PALS2: variants seen among roughly 807,000 people sequenced by gnomAD.
PALS2 encodes the protein protein PALS2.
Under a neutral mutation model 61.6 loss-of-function variants are expected in PALS2, and 27 were observed. The observed-to-expected ratio is 0.44, with a 90% CI of 0.32 to 0.60. The LOEUF is 0.60. Ranked by LOEUF, PALS2 falls within the 20% of genes least tolerant of loss-of-function variation. PALS2 has a pLI of 0.05. For missense variants in PALS2, 554 were observed against 639.4 expected, an observed-to-expected ratio of 0.87 and a Z score of 1.44; for synonymous variants, 236 against 218.6, an observed-to-expected ratio of 1.08 and a Z score of -0.70.
intron 1 of PALS2, among the ~76,000 whole-genome samples, chr7:24,575,815 A>G (rs1014030378): frequency 2.0e-5 from 3 of 152,240 alleles, no homozygotes; most frequent in Non-Finnish European, 4.4e-5. Flanking sequence ...AGGTAAGAGG[A>G]CGCATTTATA....
intron 1 of PALS2, among the ~76,000 whole-genome samples, chr7:24,598,618 T>C (rs927646169): frequency 3.3e-5 from 5 of 152,252 alleles, no homozygotes; most frequent in African/African-American, 1.2e-4. Flanking sequence ...ATAGATTGGA[T>C]AATCTGCTGT....
Position 24,649,654 on chromosome 7 carries a change from G to C in PALS2, c.313G>C (p.Asp105His), listed in dbSNP as rs200245739. The part of the protein sequence containing the change: ...AHDIVASKCY[D>H]SPPSSPEMNN... ...TGATATTGTGGCATCAAAGTGTTAT[G>C]ATTCACCTCCATCAAGCCCAGAAAT... Residue 105 changes from aspartate (D) to histidine (H), a missense_variant, in exon 4 of 12, where the codon GAT (aspartate) becomes CAT (histidine). Transcript: ENST00000222644. The C allele has an allele frequency of 6.2e-7, 1 of 1,611,598 alleles. No individual in the cohort carries two copies. The highest frequency in any genetic ancestry group is 1.3e-5 in the African/African-American group (1 of 74,716).
chr7:24,592,583 A>G (rs1211361100), intron 1 of PALS2, among the ~76,000 whole-genome samples: 1 of 152,104 alleles, frequency 6.6e-6, no homozygotes, highest in African/African-American at 2.4e-5. Flanking sequence ...TAGATGAAGT[A>G]AGGAAAATAA....
At chr7:24,581,472 G>A (rs1782843228) in intron 1 of PALS2, among the ~76,000 whole-genome samples, 1 of 152,146 alleles carries the variant, frequency 6.6e-6, no homozygotes, top group East Asian at 1.9e-4. Flanking sequence ...CTATTATTCA[G>A]CCTACCATAA....
chr7:24,579,624 G>C (rs189376433), intron 1 of PALS2, among the ~76,000 whole-genome samples: 1 of 151,460 alleles, frequency 6.6e-6, no homozygotes, highest in Non-Finnish European at 1.5e-5. Flanking sequence ...GAGATTTTCC[G>C]ATACTTTGTA....
chr7:24,608,753 C>T (rs1385669183), intron 1 of PALS2, among the ~76,000 whole-genome samples: 1 of 152,060 alleles, frequency 6.6e-6, no homozygotes, highest in African/African-American at 2.4e-5. Flanking sequence ...AGGCACATTG[C>T]CACCATGCCC....
intron 1 of PALS2, among the ~76,000 whole-genome samples, chr7:24,591,838 A>G (rs927432890): frequency 1.3e-5 from 2 of 152,128 alleles, no homozygotes; most frequent in African/African-American, 2.4e-5. Flanking sequence ...AGCTTACCAT[A>G]TCTTATGCCT....
intron 1 of PALS2, among the ~76,000 whole-genome samples, chr7:24,597,969 A>G (rs1182510366): frequency 1.3e-5 from 2 of 152,138 alleles, no homozygotes; most frequent in Admixed American, 6.6e-5. Context: ...ATATTGCAAT[A>G]CTTGGGGATA....
rs1412576634 is a variant in PALS2 at position 24,688,918 on chromosome 7, ACT to A, written c.*1308_*1309del. On this transcript the variant is annotated 3_prime_UTR_variant, in exon 12 of 12. Transcript: ENST00000222644. The stretch of plus-strand genomic sequence containing the variant: ...AACCTCTGCCTCCTGGGTTCATGCG[ACT>A]CTCGTGCCTCAGCCTCCCAAGTAAT... 6.6e-6 allele frequency: 1 copy of A among 151,766 alleles called. No homozygotes were observed. The highest frequency in any genetic ancestry group is 1.9e-4 in the East Asian group (1 of 5,186). 9.4% of individuals were successfully genotyped at this position (151,766 alleles called of 1,614,324 possible).
At chr7:24,668,381 T>A (rs1787137290) in intron 8 of PALS2, 118 bp from the exon 9 acceptor site, 1 of 899,356 alleles carries the variant, frequency 1.1e-6, no homozygotes, top group Non-Finnish European at 1.7e-6. Flanking sequence ...GCTAAGTGGG[T>A]ACAAGTCAAG....
intron 1 of PALS2, among the ~76,000 whole-genome samples, chr7:24,616,583 C>A (rs1322210690): frequency 6.6e-6 from 1 of 152,106 alleles, no homozygotes; most frequent in Non-Finnish European, 1.5e-5. Flanking sequence ...TTGTAGGCAA[C>A]ATGTAATTGA....
At chr7:24,605,336 A>G (rs1373626870) in intron 1 of PALS2, among the ~76,000 whole-genome samples, 1 of 152,166 alleles carries the variant, frequency 6.6e-6, no homozygotes, top group Non-Finnish European at 1.5e-5. Context: ...TCAGACGCTA[A>G]ATAAACTACA....
At chr7:24,594,706 C>T (rs1443300832) in intron 1 of PALS2, among the ~76,000 whole-genome samples, 1 of 151,994 alleles carries the variant, frequency 6.6e-6, no homozygotes, top group Non-Finnish European at 1.5e-5. Flanking sequence ...AAACAGTAAA[C>T]AGTAGTAACA....
At chr7:24,665,921 C>T (rs1786993710) in intron 7 of PALS2, 100 bp from the exon 8 acceptor site, 2 of 1,195,990 alleles carry the variant, frequency 1.7e-6, no homozygotes, top group Non-Finnish European at 2.4e-6. Context: ...TAGGATGCCA[C>T]ATTGGGGAGA....
chr7:24,601,354 A>G (rs1429026280), intron 1 of PALS2, among the ~76,000 whole-genome samples: 3 of 152,140 alleles, frequency 2.0e-5, no homozygotes, highest in African/African-American at 4.8e-5. Context: ...CCACTTGGCT[A>G]TAATTCAACC....
chr7:24,606,510 A>G (rs924564652), intron 1 of PALS2, among the ~76,000 whole-genome samples: 3 of 151,758 alleles, frequency 2.0e-5, no homozygotes, highest in Non-Finnish European at 4.4e-5. Flanking sequence ...ACACTTTGAA[A>G]AATTAGTCAG....
chr7:24,681,614 C>A (rs1787935693), intron 11 of PALS2, among the ~76,000 whole-genome samples: 1 of 149,244 alleles, frequency 6.7e-6, no homozygotes, highest in African/African-American at 2.5e-5. Flanking sequence ...TCACCTAAAT[C>A]TTTTGCCAGC....
At chr7:24,656,831 C>T (rs1403550555) in intron 5 of PALS2, among the ~76,000 whole-genome samples, 3 of 152,200 alleles carry the variant, frequency 2.0e-5, no homozygotes. Context: ...TGCTCCCGGC[C>T]TCCCAGCTTC....
Position 24,662,800 on chromosome 7 carries a change from A to AAAAAAG in PALS2, c.652-790_652-789insAAAAAG. The stretch of plus-strand genomic sequence containing the variant: ...AAAAAAAAAAAAAAAAAAAAAAGAA[A>AAAAAAG]GAAAGAAAGACAGCAATTGGTCTGA... On this transcript the variant is annotated intron_variant, in intron 5 of 11. Coordinates refer to ENST00000222644, the MANE Select transcript of PALS2 (RefSeq NM_001303037.2). Among the ~76,000 whole-genome samples, 2 of 130,736 alleles carry AAAAAAG rather than the reference A, an allele frequency of 1.5e-5. 1 individual carries two copies. The allele number at this position is 130,736 out of a possible 152,430, so 85.8% of individuals were successfully genotyped here.
Sources: allele counts gnomAD v4.1 joint callset (sites outside exome capture counted in the v4.1 genomes callset), GRCh38; gene constraint gnomAD v4.1.1; transcripts MANE v1.5; gene names NCBI Gene and HGNC (gene_info 2026-07-23, HGNC 2026-07-21).